DNAJC1: variants seen among roughly 807,000 people sequenced by gnomAD.
The protein encoded by DNAJC1 is dnaJ homolog subfamily C member 1.
In DNAJC1, 58 loss-of-function variants were observed where a neutral mutation model predicts 76.6. The ratio of observed to expected loss-of-function variants is 0.76; its 90% CI spans 0.61 to 0.94. The LOEUF (loss-of-function observed/expected upper bound fraction) is 0.94, where lower values mean the gene tolerates loss of function less well. DNAJC1 is among the 40% of genes least tolerant of loss of function. The pLI is 0.00. For synonymous variants in DNAJC1, 258 were observed against 267.9 expected (o/e 0.96, Z 0.36); for missense variants, 689 against 677.3 (o/e 1.02, Z -0.19).
intron 8 of DNAJC1, among the ~76,000 whole-genome samples, chr10:21,866,466 T>C (rs1836004169): frequency 6.6e-6 from 1 of 152,030 alleles, no homozygotes; most frequent in Non-Finnish European, 1.5e-5. Context: ...TGCAACACTT[T>C]ATATAGTAAA....
At chr10:21,964,284 G>T (rs1054835824) in intron 1 of DNAJC1, among the ~76,000 whole-genome samples, 1 of 151,798 alleles carries the variant, frequency 6.6e-6, no homozygotes, top group Non-Finnish European at 1.5e-5. Context: ...GCACGATCTC[G>T]GCCCACTGCA....
intron 8 of DNAJC1, among the ~76,000 whole-genome samples, chr10:21,845,195 C>T (rs2131682797): frequency 6.6e-6 from 1 of 151,920 alleles, no homozygotes; most frequent in Non-Finnish European, 1.5e-5. Flanking sequence ...GCACTAGTGA[C>T]AAGATGATAA....
intron 6 of DNAJC1, among the ~76,000 whole-genome samples, chr10:21,906,289 T>C (rs2131746786): frequency 1.3e-5 from 2 of 152,240 alleles, no homozygotes; most frequent in East Asian, 3.9e-4. Context: ...CATCCTCCCA[T>C]GCCCATATAT....
At chr10:21,764,340 T>C (rs149739323) in intron 10 of DNAJC1, among the ~76,000 whole-genome samples, 2 of 152,356 alleles carry the variant, frequency 1.3e-5, no homozygotes, top group South Asian at 2.1e-4. Flanking sequence ...TCTCTCAAAA[T>C]AACAACAATT....
intron 8 of DNAJC1, among the ~76,000 whole-genome samples, chr10:21,828,530 A>G (rs547334310): frequency 6.6e-6 from 1 of 152,312 alleles, no homozygotes; most frequent in East Asian, 1.9e-4. Context: ...TACATACTTG[A>G]TTATGACAGA....
chr10:21,974,499 C>T (rs1009022580), intron 1 of DNAJC1, among the ~76,000 whole-genome samples: 1 of 152,176 alleles, frequency 6.6e-6, no homozygotes, highest in African/African-American at 2.4e-5. Context: ...TTTTGTATCA[C>T]ACCATAAACT....
chr10:21,863,651 C>G (rs1475956903), intron 8 of DNAJC1, among the ~76,000 whole-genome samples: 2 of 151,900 alleles, frequency 1.3e-5, no homozygotes, highest in African/African-American at 4.8e-5. Flanking sequence ...ACATAATGAC[C>G]AAATGAAGTT....
intron 9 of DNAJC1, among the ~76,000 whole-genome samples, chr10:21,786,445 T>C (rs1204370092): frequency 2.7e-5 from 3 of 110,526 alleles, no homozygotes; most frequent in Non-Finnish European, 3.7e-5. Flanking sequence ...TATATATATA[T>C]ATATATATAT....
intron 9 of DNAJC1, among the ~76,000 whole-genome samples, chr10:21,770,241 G>A (rs535807063): frequency 6.6e-6 from 1 of 152,128 alleles, no homozygotes; most frequent in South Asian, 2.1e-4. Context: ...TAACTTAATA[G>A]TTAATAATTA....
At chr10:21,884,420 G>A (rs962131527) in intron 7 of DNAJC1, among the ~76,000 whole-genome samples, 3 of 152,142 alleles carry the variant, frequency 2.0e-5, no homozygotes, top group African/African-American at 7.2e-5. Flanking sequence ...CAGATGTACT[G>A]TTGGCAGGGA....
rs901474270 is a variant in DNAJC1 at position 21,954,790 on chromosome 10, C to T, written c.223-25649G>A. Among the ~76,000 whole-genome samples the T allele has an allele frequency of 2.0e-5, 3 of 152,254 alleles. No homozygotes were observed. The East Asian group carries it at 5.8e-4, about 29-fold the overall frequency. On this transcript the variant is annotated intron_variant, in intron 1 of 11. Coordinates refer to ENST00000376980, the MANE Select transcript of DNAJC1 (RefSeq NM_022365.4). The stretch of plus-strand genomic sequence containing the variant: ...TGTATTAAACAGCCTCTCAACAACC[C>T]TGTAAGATAGGTACTACTATTATTA...
At chr10:21,837,584 G>A (rs1835485317) in intron 8 of DNAJC1, among the ~76,000 whole-genome samples, 1 of 151,146 alleles carries the variant, frequency 6.6e-6, no homozygotes, top group Non-Finnish European at 1.5e-5. Context: ...GAGGTGAGGA[G>A]CCTCTCTGCC....
At chr10:21,900,600 C>A (rs1719328403) in intron 7 of DNAJC1, among the ~76,000 whole-genome samples, 1 of 152,138 alleles carries the variant, frequency 6.6e-6, no homozygotes, top group South Asian at 2.1e-4. Flanking sequence ...ATACTGTACC[C>A]TAGGTAAAAG....
At chr10:21,877,445 C>A (rs986691635) in intron 8 of DNAJC1, among the ~76,000 whole-genome samples, 2 of 151,920 alleles carry the variant, frequency 1.3e-5, no homozygotes, top group African/African-American at 4.8e-5. Flanking sequence ...GCAAAACACT[C>A]ATTTCTGAAA....
At chr10:21,875,350 C>A (rs1222004925) in intron 8 of DNAJC1, among the ~76,000 whole-genome samples, 1 of 152,094 alleles carries the variant, frequency 6.6e-6, no homozygotes, top group Non-Finnish European at 1.5e-5. Context: ...GAGATGCAGT[C>A]TTCCTAGGTT....
At chr10:21,879,580 T>C (rs1256086690) in intron 8 of DNAJC1, among the ~76,000 whole-genome samples, 1 of 152,050 alleles carries the variant, frequency 6.6e-6, no homozygotes, top group African/African-American at 2.4e-5. Flanking sequence ...GCCGAGATCA[T>C]GCCACTGCAC....
chr10:21,911,266 CT>C (rs1836859300), intron 6 of DNAJC1, among the ~76,000 whole-genome samples: 2 of 152,194 alleles, frequency 1.3e-5, no homozygotes, highest in Non-Finnish European at 2.9e-5. Context: ...CAAATCTTCT[CT>C]TTCGTTTGAG....
At chr10:21,768,914 CCT>C (rs1207996167) in intron 9 of DNAJC1, among the ~76,000 whole-genome samples, 2 of 152,142 alleles carry the variant, frequency 1.3e-5, no homozygotes, top group Non-Finnish European at 2.9e-5. Flanking sequence ...TTCAACTTCC[CCT>C]GTCCATGAGA....
intron 8 of DNAJC1, among the ~76,000 whole-genome samples, chr10:21,844,267 AT>A (rs150747458): frequency 0.13 from 18,494 of 146,506 alleles, 2,326 homozygotes; most frequent in African/African-American, 0.33. Context: ...CACCTGGCTA[AT>A]TTTTTTTTTT....
Sources: gnomAD v4.1 joint callset for allele counts (sites outside exome capture counted in the v4.1 genomes callset) on GRCh38, gnomAD v4.1.1 for gene constraint, MANE v1.5 for transcripts, NCBI Gene and HGNC (gene_info 2026-07-23, HGNC 2026-07-21) for gene names.